PRKN: variants seen among roughly 807,000 people sequenced by gnomAD.
The protein encoded by PRKN is parkin RBR E3 ubiquitin protein ligase.
In PRKN, 56 loss-of-function variants were observed where a neutral mutation model predicts 59.5. The observed-to-expected ratio is 0.94, with a 90% CI of 0.76 to 1.18. The LOEUF (loss-of-function observed/expected upper bound fraction) is 1.18. Ranked by LOEUF, PRKN falls within the 50% of genes most tolerant of loss-of-function variation. PRKN has a pLI of 0.00. For synonymous variants in PRKN, 250 were observed against 222.1 expected (o/e 1.13, Z -1.12); for missense variants, 657 against 596.4 (o/e 1.10, Z -1.06).
chr6:161,430,676 A>G (rs1401202356), intron 9 of PRKN, among the ~76,000 whole-genome samples: 3 of 151,720 alleles, frequency 2.0e-5, no homozygotes, highest in Non-Finnish European at 2.9e-5. Flanking sequence ...TTAGCCCGGC[A>G]TAGTGGCGGG....
At chr6:161,370,591 C>CAAAAAAAAAAAAAAAAAAAAAAA (rs560655971) in intron 10 of PRKN, among the ~76,000 whole-genome samples, 2 of 57,822 alleles carry the variant, frequency 3.5e-5, no homozygotes, top group East Asian at 5.3e-4. Context: ...GACTCTGTGT[C>CAAAAAAAAAAAAAAAAAAAAAAA]AAAAAAAAAA....
chr6:162,587,835 A>C (rs1781125843), intron 1 of PRKN, among the ~76,000 whole-genome samples: 1 of 152,122 alleles, frequency 6.6e-6, no homozygotes, highest in South Asian at 2.1e-4. Flanking sequence ...TGAAAGCTTT[A>C]CTCATTTGAA....
chr6:161,474,643 G>A (rs1790975699), intron 9 of PRKN, among the ~76,000 whole-genome samples: 1 of 151,664 alleles, frequency 6.6e-6, no homozygotes. Flanking sequence ...TGCCCAGGCT[G>A]GAGTGCAGTG....
chr6:161,496,979 A>G (rs541274118), intron 9 of PRKN, among the ~76,000 whole-genome samples: 3 of 152,338 alleles, frequency 2.0e-5, no homozygotes, highest in African/African-American at 7.2e-5. Context: ...GAGACAACAC[A>G]TTTCTGCTGT....
At chr6:161,383,268 G>C (rs762273838) in intron 10 of PRKN, among the ~76,000 whole-genome samples, 2 of 152,202 alleles carry the variant, frequency 1.3e-5, no homozygotes, top group Non-Finnish European at 2.9e-5. Context: ...ATCGAATTGG[G>C]TCATGAAATT....
chr6:161,407,497 A>G lies in PRKN; in HGVS notation c.1084-20620T>C, dbSNP rs1345181650. Among the ~76,000 whole-genome samples, 1 of 152,194 alleles carries G rather than the reference A, an allele frequency of 6.6e-6. No homozygotes were observed. Among genetic ancestry groups the G allele is most frequent in the East Asian group, 1.9e-4 (1 of 5,196 alleles). ...GCTTGACCAAAGAAAGAAAAGCTCC[A>G]TCATACTACCATTGTAAACATCCAC... On this transcript the variant is annotated intron_variant, in intron 9 of 11. Transcript: ENST00000366898. The surrounding 1 kb of genome is among the most constrained non-coding windows in gnomAD (Gnocchi z 4.9).
intron 2 of PRKN, among the ~76,000 whole-genome samples, chr6:162,354,277 T>C (rs1040864244): frequency 1.3e-5 from 2 of 152,122 alleles, no homozygotes; most frequent in African/African-American, 4.8e-5. Context: ...GGCAAAAGCA[T>C]AAATCCTCTG....
chr6:162,617,458 C>T (rs563984432), intron 1 of PRKN, among the ~76,000 whole-genome samples: 2 of 152,234 alleles, frequency 1.3e-5, no homozygotes, highest in East Asian at 1.9e-4. Context: ...TCTTGAACTC[C>T]CGACCTCAAG....
chr6:161,583,544 G>T (rs1781420836), intron 7 of PRKN, among the ~76,000 whole-genome samples: 1 of 151,498 alleles, frequency 6.6e-6, no homozygotes, highest in Admixed American at 6.6e-5. Flanking sequence ...AATTAAAATA[G>T]CTTTGTTTTC....
Position 161,817,268 on chromosome 6 carries a change from G to A in PRKN, c.735-31360C>T, listed in dbSNP as rs73030552. 3.1e-3 allele frequency among the ~76,000 whole-genome samples: 474 copies of A among 152,292 alleles called. 1 individual carries two copies. Among genetic ancestry groups the A allele is most frequent in the Non-Finnish European group, 4.5e-3 (308 of 68,010 alleles). On this transcript the variant is annotated intron_variant, in intron 6 of 11. Transcript: ENST00000366898. ...AAACTCTGGGCATGAATCCTGTCTCGATTTTAAGAGGCTCTAAATGGTAGT... is the reference window on the plus strand; with the variant it reads ...AAACTCTGGGCATGAATCCTGTCTCAATTTTAAGAGGCTCTAAATGGTAGT...
intron 6 of PRKN, among the ~76,000 whole-genome samples, chr6:161,944,081 GGACCAGCCTGAGGGATC>G (rs1779689206): frequency 6.8e-6 from 1 of 146,864 alleles, no homozygotes; most frequent in East Asian, 2.3e-4. Flanking sequence ...TCAGCCTGAG[GGACCAGCCTGAGGGATC>G]AGCCTGAGGA....
At chr6:162,024,402 G>T (rs1019044332) in intron 5 of PRKN, among the ~76,000 whole-genome samples, 2 of 152,022 alleles carry the variant, frequency 1.3e-5, no homozygotes, top group Non-Finnish European at 2.9e-5. Context: ...TTGCTATGTT[G>T]GTCAGGCTGG....
intron 1 of PRKN, among the ~76,000 whole-genome samples, chr6:162,665,121 A>G (rs1179488445): frequency 1.3e-5 from 2 of 152,144 alleles, no homozygotes; most frequent in African/African-American, 2.4e-5. Context: ...GACAACCAGT[A>G]CAAGACAAGG....
intron 4 of PRKN, among the ~76,000 whole-genome samples, chr6:162,187,637 A>G (rs895647945): frequency 3.0e-4 from 45 of 152,250 alleles, no homozygotes; most frequent in African/African-American, 1.1e-3. Flanking sequence ...GGACACTACT[A>G]TGTACTGAAA....
At chr6:162,400,288 A>G (rs541181585) in intron 2 of PRKN, among the ~76,000 whole-genome samples, 1 of 152,008 alleles carries the variant, frequency 6.6e-6, no homozygotes, top group Non-Finnish European at 1.5e-5. Context: ...CTTTGTAATA[A>G]AAGGAAAATG....
intron 2 of PRKN, among the ~76,000 whole-genome samples, chr6:162,370,168 CAGCTCTTG>C (rs752941285): frequency 1.3e-5 from 2 of 152,194 alleles, no homozygotes; most frequent in Non-Finnish European, 2.9e-5. Context: ...ATGTGATCGT[CAGCTCTTG>C]ACTGCATCTC....
intron 7 of PRKN, among the ~76,000 whole-genome samples, chr6:161,730,559 T>C (rs368527358): frequency 6.6e-6 from 1 of 151,708 alleles, no homozygotes; most frequent in African/African-American, 2.4e-5. Context: ...TCTGATATGT[T>C]GCATTCTTTC....
At chr6:161,375,019 G>T (rs763172195) in intron 10 of PRKN, among the ~76,000 whole-genome samples, 1 of 152,124 alleles carries the variant, frequency 6.6e-6, no homozygotes, top group South Asian at 2.1e-4. Flanking sequence ...AGGCTGCACT[G>T]TGGCCGTGCA....
At chr6:161,907,835 T>C (rs1171660382) in intron 6 of PRKN, among the ~76,000 whole-genome samples, 1 of 152,128 alleles carries the variant, frequency 6.6e-6, no homozygotes, top group African/African-American at 2.4e-5. Flanking sequence ...CCCAGCACTT[T>C]GGGAGGCCAA....
Sources: gnomAD v4.1 joint callset for allele counts (sites outside exome capture counted in the v4.1 genomes callset) on GRCh38, gnomAD v4.1.1 for gene constraint, Gnocchi (gnomAD v3.1) non-coding constraint, MANE v1.5 for transcripts, NCBI Gene and HGNC (gene_info 2026-07-23, HGNC 2026-07-21) for gene names.